CAMKMT: variants seen among roughly 807,000 people sequenced by gnomAD.
CAMKMT encodes calmodulin-lysine N-methyltransferase, also known as CaM KMT.
A neutral mutation model predicts 48.0 loss-of-function variants in CAMKMT; 53 were observed. The ratio of observed to expected loss-of-function variants is 1.10; its 90% CI spans 0.89 to 1.39. The LOEUF is 1.39. Among genes scored for constraint, CAMKMT ranks in the 40% most tolerant of loss-of-function variants. The pLI, the probability that CAMKMT is intolerant of heterozygous loss-of-function variation, is 0.00. For synonymous variants in CAMKMT, 165 were observed against 152.3 expected (o/e 1.08, Z -0.61); for missense variants, 428 against 402.7 (o/e 1.06, Z -0.54).
intron 8 of CAMKMT, among the ~76,000 whole-genome samples, chr2:44,752,978 A>T (rs1680212968): frequency 6.6e-6 from 1 of 152,222 alleles, no homozygotes; most frequent in Non-Finnish European, 1.5e-5. Flanking sequence ...AGTTCAGATA[A>T]GGAAACTGTC....
At chr2:44,388,481 C>A (rs568801590) in intron 2 of CAMKMT, among the ~76,000 whole-genome samples, 36 of 152,300 alleles carry the variant, frequency 2.4e-4, no homozygotes, top group Admixed American at 5.9e-4. Context: ...AGCTTAATAA[C>A]TAACCTCCTG....
chr2:44,752,266 A>G (rs183662891), intron 8 of CAMKMT, among the ~76,000 whole-genome samples: 16 of 149,260 alleles, frequency 1.1e-4, no homozygotes, highest in African/African-American at 3.7e-4. Flanking sequence ...GGTTTTTGCC[A>G]TTAAAGGTAT....
chr2:44,475,095 G>C (rs935264268), intron 3 of CAMKMT, among the ~76,000 whole-genome samples: 1 of 152,128 alleles, frequency 6.6e-6, no homozygotes, highest in African/African-American at 2.4e-5. Context: ...TCTATAGCAT[G>C]TGGCTTAGTT....
At chr2:44,515,657 C>T (rs1670797436) in intron 3 of CAMKMT, among the ~76,000 whole-genome samples, 1 of 152,178 alleles carries the variant, frequency 6.6e-6, no homozygotes, top group Admixed American at 6.5e-5. Flanking sequence ...GAAGGATTAT[C>T]ATTTCGGTTT....
chr2:44,701,479 T>C (rs935140631), intron 3 of CAMKMT, among the ~76,000 whole-genome samples: 5 of 152,224 alleles, frequency 3.3e-5, no homozygotes, highest in Admixed American at 6.5e-5. Context: ...TGTAACTTGG[T>C]GCACATTTTA....
chr2:44,720,122 C>G (rs918179273), intron 7 of CAMKMT, among the ~76,000 whole-genome samples: 1 of 152,060 alleles, frequency 6.6e-6, no homozygotes, highest in Non-Finnish European at 1.5e-5. Context: ...CTGAAGACAC[C>G]AACTCCCATA....
At position 44,556,762 on chromosome 2, in the gene CAMKMT, C is replaced by T. The variant is rs62135419; in HGVS notation, c.377-147521C>T. 9.1e-4 allele frequency among the ~76,000 whole-genome samples: 20 copies of T among 21,874 alleles called. 1 individual carries two copies. Among genetic ancestry groups the T allele is most frequent in the South Asian group, 1.3e-3 (1 of 788 alleles). The allele number at this position is 21,874 out of a possible 152,430, so 14.4% of individuals were successfully genotyped here. On this transcript the variant is annotated intron_variant, in intron 3 of 10. Transcript: ENST00000378494. ...GGGATTACAGGCGTGAGCCACCGCGCCCGGCCCTCTTTTTTTTTTTTAAAG... is the reference window on the plus strand; with the variant it reads ...GGGATTACAGGCGTGAGCCACCGCGTCCGGCCCTCTTTTTTTTTTTTAAAG...
chr2:44,664,819 A>C (rs75650816), intron 3 of CAMKMT, among the ~76,000 whole-genome samples: 2,019 of 152,308 alleles, frequency 0.013, 51 homozygotes, highest in African/African-American at 0.046. Context: ...ATTTCAAAAA[A>C]AAAGCAGACA....
At chr2:44,678,763 C>A (rs1675859805) in intron 3 of CAMKMT, among the ~76,000 whole-genome samples, 2 of 151,970 alleles carry the variant, frequency 1.3e-5, no homozygotes, top group Admixed American at 6.6e-5. Flanking sequence ...TCCTGATAGC[C>A]TTCCTTCTCA....
At position 44,499,162 on chromosome 2, in the gene CAMKMT, C is replaced by G. The variant is rs76919844; in HGVS notation, c.376+108857C>G. The stretch of plus-strand genomic sequence containing the variant: ...AATAGAATACATCTAATCATTTATC[C>G]TCAAGAATAGGCAGATATATGGAGA... On this transcript the variant is annotated intron_variant, in intron 3 of 10. Transcript: ENST00000378494. Among the ~76,000 whole-genome samples the G allele has an allele frequency of 4.0e-3, 605 of 152,068 alleles. 6 individuals are homozygous for G. The highest frequency in any genetic ancestry group is 0.014 in the African/African-American group (567 of 41,484).
At chr2:44,382,044 C>T (rs998273026) in intron 2 of CAMKMT, among the ~76,000 whole-genome samples, 1 of 150,016 alleles carries the variant, frequency 6.7e-6, no homozygotes, top group Admixed American at 6.7e-5. Flanking sequence ...TGGGTTCAAG[C>T]GATTCTCCTG....
intron 3 of CAMKMT, among the ~76,000 whole-genome samples, chr2:44,521,969 T>C (rs1471123565): frequency 6.6e-6 from 1 of 152,066 alleles, no homozygotes; most frequent in Non-Finnish European, 1.5e-5. Flanking sequence ...TTAAGTACAT[T>C]CACAGTTATG....
intron 3 of CAMKMT, among the ~76,000 whole-genome samples, chr2:44,459,225 G>A (rs1339562356): frequency 2.0e-5 from 3 of 152,074 alleles, no homozygotes; most frequent in South Asian, 2.1e-4. Flanking sequence ...AATAGTTATT[G>A]TATATTCAAA....
intron 3 of CAMKMT, among the ~76,000 whole-genome samples, chr2:44,650,665 GAAGA>G (rs1440577756): frequency 1.3e-5 from 2 of 152,104 alleles, no homozygotes; most frequent in African/African-American, 4.8e-5. Flanking sequence ...TACAAATTTA[GAAGA>G]AAGTTTAAAA....
At chr2:44,768,587 T>G (rs984818851) in intron 10 of CAMKMT, among the ~76,000 whole-genome samples, 1 of 151,892 alleles carries the variant, frequency 6.6e-6, no homozygotes, top group African/African-American at 2.4e-5. Context: ...GCGCCGCTGC[T>G]CCTCGCCCAT....
intron 3 of CAMKMT, among the ~76,000 whole-genome samples, chr2:44,478,057 G>A (rs995859918): frequency 6.6e-6 from 1 of 152,124 alleles, no homozygotes; most frequent in Non-Finnish European, 1.5e-5. Context: ...AAAATTAAAA[G>A]CAATGTATAT....
chr2:44,455,961 A>G (rs1051152103), intron 3 of CAMKMT, among the ~76,000 whole-genome samples: 3 of 152,192 alleles, frequency 2.0e-5, no homozygotes, highest in Admixed American at 2.0e-4. Flanking sequence ...AATATTTATC[A>G]TTCATAAATA....
intron 10 of CAMKMT, among the ~76,000 whole-genome samples, 170 bp from the exon 11 acceptor site, chr2:44,771,866 T>C (rs1681128503): frequency 6.6e-6 from 1 of 151,242 alleles, no homozygotes; most frequent in Non-Finnish European, 1.5e-5. Flanking sequence ...ATGTATAGAA[T>C]TGTCACATTA....
intron 3 of CAMKMT, among the ~76,000 whole-genome samples, chr2:44,665,363 G>GC (rs1197111192): frequency 1.3e-5 from 2 of 152,166 alleles, no homozygotes; most frequent in Non-Finnish European, 2.9e-5. Context: ...GAGCCACCGT[G>GC]CCCGGCCTCA....
Sources: gnomAD v4.1 joint callset for allele counts (sites outside exome capture counted in the v4.1 genomes callset) on GRCh38, gnomAD v4.1.1 for gene constraint, MANE v1.5 for transcripts, NCBI Gene and HGNC (gene_info 2026-07-23, HGNC 2026-07-21) for gene names.